The following LAMA3 variants were observed in gnomAD, a reference collection of about 807,000 sequenced individuals.
LAMA3 encodes laminin subunit alpha-3.
LAMA3 carries 281 observed loss-of-function variants against 402.0 expected under a neutral mutation model. That is an observed-to-expected ratio of 0.70 (90% confidence interval 0.63 to 0.77). The LOEUF is 0.77. Among genes scored for constraint, LAMA3 ranks in the 30% least tolerant of loss-of-function variants. The pLI is 0.00. For synonymous variants in LAMA3, 1,431 were observed against 1,558.4 expected (o/e 0.92, Z 1.93); for missense variants, 3,840 against 4,215.5 (o/e 0.91, Z 2.47).
At chr18:23,884,900 G>T (rs1005488553) in intron 41 of LAMA3, 47 bp downstream of exon 41, 3 of 1,483,596 alleles carry the variant, frequency 2.0e-6, no homozygotes, top group African/African-American at 2.8e-5. Flanking sequence ...GGGGCGGGGA[G>T]GGCTGTGGGT....
At chr18:23,710,090 C>T (rs2060962236) in intron 1 of LAMA3, 2 of 733,852 alleles carry the variant, frequency 2.7e-6, no homozygotes, top group South Asian at 1.3e-5. Flanking sequence ...GCTTGTTCTC[C>T]TGGGGGCGCT....
chr18:23,892,818 G>A (rs998989043), intron 42 of LAMA3, among the ~76,000 whole-genome samples: 5 of 149,246 alleles, frequency 3.4e-5, no homozygotes, highest in African/African-American at 5.0e-5. Context: ...CAGGAGAATC[G>A]CTTGAACCCA....
chr18:23,856,559 C>T (rs1170509773), intron 32 of LAMA3, among the ~76,000 whole-genome samples: 2 of 152,122 alleles, frequency 1.3e-5, no homozygotes, highest in Non-Finnish European at 2.9e-5. Flanking sequence ...CCAGGCACAG[C>T]CATAGCCCAC....
intron 50 of LAMA3, 137 bp from the exon 51 acceptor site, chr18:23,904,411 CTTTAT>C (rs2081173100): frequency 9.6e-7 from 1 of 1,044,930 alleles, no homozygotes; most frequent in Non-Finnish European, 1.4e-6. Context: ...TCTGCCATCT[CTTTAT>C]TTTATTTTGT....
At chr18:23,772,653 T>C (rs2062226990) in intron 8 of LAMA3, among the ~76,000 whole-genome samples, 1 of 152,238 alleles carries the variant, frequency 6.6e-6, no homozygotes, top group Non-Finnish European at 1.5e-5. Flanking sequence ...TAAAATTATC[T>C]AAAACAGGAG....
At chr18:23,690,359 C>T (rs1012413021) in intron 1 of LAMA3, among the ~76,000 whole-genome samples, 14 of 152,244 alleles carry the variant, frequency 9.2e-5, no homozygotes, top group African/African-American at 3.1e-4. Context: ...TCCTGCCCCA[C>T]CTCCCGGGCC....
intron 12 of LAMA3, among the ~76,000 whole-genome samples, chr18:23,799,782 G>A (rs1003204504): frequency 6.6e-6 from 1 of 152,180 alleles, no homozygotes; most frequent in Non-Finnish European, 1.5e-5. Flanking sequence ...TGGCTCATGC[G>A]ATTGCGAGGG....
At chr18:23,770,380 T>TA (rs34622072) in intron 8 of LAMA3, among the ~76,000 whole-genome samples, 35,355 of 145,710 alleles carry the variant, frequency 0.24, 6,043 homozygotes, top group East Asian at 0.65. Context: ...AGCTCAGTTA[T>TA]AAAAAAAAAA....
intron 11 of LAMA3, among the ~76,000 whole-genome samples, chr18:23,781,671 T>G (rs942716165): frequency 6.6e-6 from 1 of 152,160 alleles, no homozygotes; most frequent in Non-Finnish European, 1.5e-5. Flanking sequence ...GTTATTTTAG[T>G]GGGTTTGTTG....
chr18:23,775,683 C>T, intron 9 of LAMA3, 109 bp from the exon 10 acceptor site: 1 of 1,266,074 alleles, frequency 7.9e-7, no homozygotes, highest in Non-Finnish European at 1.1e-6. Context: ...TCAAGAATAC[C>T]TATAGACCAA....
At position 23,837,570 on chromosome 18, in the gene LAMA3, G is replaced by GATATATATATATATATATATATATATAT. The variant is rs56179962; in HGVS notation, c.3093+505_3093+506insATATATATATATATATATATATATATAT. On this transcript the variant is annotated intron_variant, in intron 25 of 74. Coordinates refer to ENST00000313654, the MANE Select transcript of LAMA3 (RefSeq NM_198129.4). ...AAAAAGAATATCATTCAGTTAATCAGATATATATATATATATATATATATG... is the reference window on the plus strand; with the variant it reads ...AAAAAGAATATCATTCAGTTAATCAGATATATATATATATATATATATATATATATATATATATATATATATATATATG... 8.0e-4 allele frequency among the ~76,000 whole-genome samples: 67 copies of GATATATATATATATATATATATATATAT among 83,270 alleles called. 5 individuals are homozygous for GATATATATATATATATATATATATATAT. The highest frequency in any genetic ancestry group is 2.9e-3 in the South Asian group (7 of 2,402). 54.6% of individuals were successfully genotyped at this position (83,270 alleles called of 152,430 possible). A position where few individuals can be genotyped will look rare whatever the true frequency, so the allele number is the denominator to read the frequency against.
Position 23,857,991 on chromosome 18 carries a change from A to C in LAMA3, c.4281+3A>C. 2 of 1,614,174 alleles carry C rather than the reference A, an allele frequency of 1.2e-6. No individual in the cohort carries two copies. Among genetic ancestry groups the C allele is most frequent in the Non-Finnish European group, 1.7e-6 (2 of 1,180,014 alleles). On this transcript the variant is annotated splice_donor_region_variant and intron_variant, in intron 33 of 74. Coordinates refer to ENST00000313654, the MANE Select transcript of LAMA3 (RefSeq NM_198129.4). The stretch of plus-strand genomic sequence containing the variant: ...GGACCGGGGCTTGCCTCTGCAAGGT[A>C]AGAGAGATCGTGCAATGCCAGACAA...
In LAMA3 at chr18:23,943,940, A is replaced by G. The variant is rs2145505154; in HGVS notation, c.9179A>G (p.Lys3060Arg). The part of the protein sequence containing the change: ...TDGKKLRIKS[K>R]EKCNDGKWHT... ...GGGAAAAAATTGAGGATCAAAAGCA[A>G]GGAGAAATGCAATGATGGGAAATGG... The change falls in exon 69 of 75, where the codon AAG (lysine) becomes AGG (arginine). Residue 3060 changes from lysine (K) to arginine (R), a missense_variant. Around this residue, in one of 3 missense-constraint regions of LAMA3, gnomAD observed 840 missense variants for 981.9 expected, o/e 0.86. Coordinates refer to ENST00000313654, the MANE Select transcript of LAMA3 (RefSeq NM_198129.4). The G allele has an allele frequency of 1.2e-6, 2 of 1,614,144 alleles. No individual in the cohort carries two copies. Among genetic ancestry groups the G allele is most frequent in the South Asian group, 1.1e-5 (1 of 91,088 alleles).
Position 23,690,087 on chromosome 18 carries a change from C to A in LAMA3, c.294+110C>A. On this transcript the variant is annotated intron_variant, in intron 1 of 74. Transcript: ENST00000313654. ...CCTCACGCGCGCTAGTGGCTCCGGGCGACTGGGAAGGGCAGCCCCCATCCC... is the reference window on the plus strand; with the variant it reads ...CCTCACGCGCGCTAGTGGCTCCGGGAGACTGGGAAGGGCAGCCCCCATCCC... 6 of 895,744 alleles carry A rather than the reference C, an allele frequency of 6.7e-6. 1 individual carries two copies. In the South Asian group the frequency reaches 1.1e-4, roughly 16 times the overall value. 55.5% of individuals were successfully genotyped at this position (895,744 alleles called of 1,614,324 possible).
chr18:23,855,773 C>T (rs2064063264), intron 32 of LAMA3, among the ~76,000 whole-genome samples: 1 of 152,182 alleles, frequency 6.6e-6, no homozygotes, highest in Non-Finnish European at 1.5e-5. Flanking sequence ...CATTTACACT[C>T]TATACCTACA....
chr18:23,835,276 C>T (rs1002524872), intron 24 of LAMA3, among the ~76,000 whole-genome samples: 1 of 152,172 alleles, frequency 6.6e-6, no homozygotes, highest in Non-Finnish European at 1.5e-5. Context: ...TACTGTTGCT[C>T]AGGATACAAA....
intron 12 of LAMA3, among the ~76,000 whole-genome samples, chr18:23,806,805 G>A (rs1173307128): frequency 1.3e-5 from 2 of 152,144 alleles, no homozygotes; most frequent in Non-Finnish European, 2.9e-5. Flanking sequence ...TAGGAGATAA[G>A]GATTTCTTTC....
chr18:23,729,678 T>A (rs968146630), intron 2 of LAMA3, among the ~76,000 whole-genome samples: 1 of 152,214 alleles, frequency 6.6e-6, no homozygotes, highest in African/African-American at 2.4e-5. Context: ...ATGCTAGAAA[T>A]TGACCTAAGC....
At chr18:23,894,830 T>C in intron 43 of LAMA3, 77 bp from the exon 44 acceptor site, 1 of 1,584,894 alleles carries the variant, frequency 6.3e-7, no homozygotes, top group Non-Finnish European at 8.7e-7. Flanking sequence ...CCAACTGGGC[T>C]GCATAGCACT....
Sources: allele counts gnomAD v4.1 joint callset (sites outside exome capture counted in the v4.1 genomes callset), GRCh38; gene constraint gnomAD v4.1.1; regional missense constraint gnomAD v4.1.1; transcripts MANE v1.5; gene names NCBI Gene and HGNC (gene_info 2026-07-23, HGNC 2026-07-21).